TEX44: variants seen among roughly 807,000 people sequenced by gnomAD.
The protein encoded by TEX44 is testis expressed 44.
For synonymous variants in TEX44, 196 were observed against 205.9 expected (o/e 0.95, Z 0.41); for missense variants, 487 against 509.6 (o/e 0.96, Z 0.43).
rs139496513 is a variant in TEX44 at position 231,594,105 on chromosome 2, C to T, written c.1154C>T (p.Pro385Leu). ...AMRYLTSHLT[P>L]RQAQADPNYD ...CGCTACCTGACCAGCCACCTCACCC[C>T]ACGCCAGGCCCAGGCTGACCCCAAC... The change falls in exon 1 of 1, where the codon CCA becomes CTA. Residue 385 changes from proline (P) to leucine (L), a missense_variant. By Grantham distance (98) the Pro-to-Leu change is moderately conservative. Transcript: ENST00000313965. The T allele has an allele frequency of 6.5e-5, 105 of 1,613,452 alleles. No homozygotes were observed. The African/African-American group carries it at 1.2e-3, about 18-fold the overall frequency.
Position 231,593,870 on chromosome 2 carries a change from A to G in TEX44, c.919A>G (p.Thr307Ala). 2 of 1,610,456 alleles carry G rather than the reference A, an allele frequency of 1.2e-6. No homozygotes were observed. The highest frequency in any genetic ancestry group is 1.7e-6 in the Non-Finnish European group (2 of 1,180,012). The change falls in exon 1 of 1, where the codon ACA becomes GCA. Residue 307 changes from threonine (T) to alanine (A), a missense_variant. Physicochemically the swap from Thr to Ala is moderately conservative, Grantham distance 58. Coordinates refer to ENST00000313965, the MANE Select transcript of TEX44 (RefSeq NM_152614.3). ...SETTMGMAIA[T>A]GFLDSGHSTV... ...GACCACCATGGGCATGGCCATAGCCACAGGCTTCCTGGATTCCGGCCACAG... is the reference window on the plus strand; with the variant it reads ...GACCACCATGGGCATGGCCATAGCCGCAGGCTTCCTGGATTCCGGCCACAG...
In TEX44 at chr2:231,593,746, G is replaced by C. The variant is rs138430069; in HGVS notation, c.795G>C (p.Thr265=). The C allele has an allele frequency of 1.1e-5, 17 of 1,611,228 alleles. No individual in the cohort carries two copies. In the South Asian group the frequency reaches 1.9e-4, roughly 18 times the overall value. ...GRRPLDSSLY[T]ASEENSYMRS... ...GGCCCCTGGACTCCAGCCTGTACAC[G>C]GCCAGTGAGGAGAACAGCTACATGC... Residue 265 remains threonine (T), a synonymous_variant, in exon 1 of 1, where the codon ACG becomes ACC. Coordinates refer to ENST00000313965, the MANE Select transcript of TEX44 (RefSeq NM_152614.3).
At position 231,593,728 on chromosome 2, in the gene TEX44, G is replaced by T; in HGVS notation, c.777G>T (p.Leu259=). The T allele has an allele frequency of 6.2e-7, 1 of 1,610,954 alleles. No individual in the cohort carries two copies. Residue 259 remains leucine (L), a synonymous_variant, in exon 1 of 1, where the codon CTG becomes CTT. Transcript: ENST00000313965. ...AGGTGGCCCTGGGGAGAAGGCCCCT[G>T]GACTCCAGCCTGTACACGGCCAGTG... The part of the protein sequence containing the change: ...PHEVALGRRP[L]DSSLYTASEE...
At position 231,593,462 on chromosome 2, in the gene TEX44, G is replaced by C. The variant is rs770561870; in HGVS notation, c.511G>C (p.Ala171Pro). 1 of 1,614,206 alleles carries C rather than the reference G, an allele frequency of 6.2e-7. No homozygotes were observed. Among genetic ancestry groups the C allele is most frequent in the South Asian group, 1.1e-5 (1 of 91,090 alleles). The stretch of plus-strand genomic sequence containing the variant: ...GGAGGCTCAGCCCGTCGAGAGTGAT[G>C]CTGACCATGTCACAGCAGGTGCCAA... ...HMEAQPVESD[A>P]DHVTAGANGQ... The change falls in exon 1 of 1, where the codon GCT becomes CCT. Residue 171 changes from alanine to proline, a missense_variant. By Grantham distance (27) the Ala-to-Pro change is conservative. Transcript: ENST00000313965.
chr2:231,593,084 G>A lies in TEX44; in HGVS notation c.133G>A (p.Asp45Asn). ...AGTGAGCAGCTCTGTCGCATCCACT[G>A]ACTGGCAGGATATAGATCAGGCCTC... ...LAVSSSVAST[D>N]WQDIDQASFK... The change falls in exon 1 of 1, where the codon GAC becomes AAC. Residue 45 changes from aspartate (D) to asparagine (N), a missense_variant. Coordinates refer to ENST00000313965, the MANE Select transcript of TEX44 (RefSeq NM_152614.3). 1 of 1,614,142 alleles carries A rather than the reference G, an allele frequency of 6.2e-7. No individual in the cohort carries two copies. The highest frequency in any genetic ancestry group is 1.6e-4 in the Middle Eastern group (1 of 6,062).
Position 231,592,888 on chromosome 2 carries a change from C to T in TEX44, c.-64C>T. ...CACTCCCTCCAACCGCCACAAGCAGCAAAGGGCATAGATGACCACAGGAGA... is the reference window on the plus strand; with the variant it reads ...CACTCCCTCCAACCGCCACAAGCAGTAAAGGGCATAGATGACCACAGGAGA... On this transcript the variant is annotated 5_prime_UTR_variant, in exon 1 of 1. Coordinates refer to ENST00000313965, the MANE Select transcript of TEX44 (RefSeq NM_152614.3). 7.3e-7 allele frequency: 1 copy of T among 1,366,474 alleles called. No homozygotes were observed. Among genetic ancestry groups the T allele is most frequent in the South Asian group, 1.2e-5 (1 of 82,802 alleles). 84.6% of individuals were successfully genotyped at this position (1,366,474 alleles called of 1,614,324 possible).
Position 231,592,958 on chromosome 2 carries a change from C to T in TEX44, c.7C>T (p.Leu3Phe). The T allele has an allele frequency of 3.1e-6, 5 of 1,613,452 alleles. No individual in the cohort carries two copies. The highest frequency in any genetic ancestry group is 4.2e-6 in the Non-Finnish European group (5 of 1,179,628). MA[L>F]PGYPLGNVDD... ...TCCACCAGCAGCCCCATACATGGCA[C>T]TCCCAGGGTACCCCCTGGGCAACGT... Residue 3 changes from leucine (L) to phenylalanine (F), a missense_variant, in exon 1 of 1, where the codon CTC becomes TTC. By Grantham distance (22) the Leu-to-Phe change is conservative (BLOSUM62 0). Coordinates refer to ENST00000313965, the MANE Select transcript of TEX44 (RefSeq NM_152614.3).
Position 231,593,496 on chromosome 2 carries a change from A to G in TEX44, c.545A>G (p.His182Arg), listed in dbSNP as rs774889760. 1.2e-6 allele frequency: 2 copies of G among 1,614,162 alleles called. No homozygotes were observed. The highest frequency in any genetic ancestry group is 1.7e-6 in the Non-Finnish European group (2 of 1,180,044). The change falls in exon 1 of 1, where the codon CAT becomes CGT. Residue 182 changes from histidine (H) to arginine (R), a missense_variant. By Grantham distance (29) the His-to-Arg change is conservative (BLOSUM62 0). Transcript: ENST00000313965. Reference sequence around the variant, plus strand: ...GTCACAGCAGGTGCCAATGGCCAGCATGGCCCTCAGGCTGCCAGCACCACC... The same window carrying G: ...GTCACAGCAGGTGCCAATGGCCAGCGTGGCCCTCAGGCTGCCAGCACCACC... ...DHVTAGANGQHGPQAASTTKS... is the reference protein window; with the variant it reads ...DHVTAGANGQRGPQAASTTKS...
Position 231,593,737 on chromosome 2 carries a change from C to G in TEX44, c.786C>G (p.Ser262Arg). ...VALGRRPLDS[S>R]LYTASEENSY... ...TGGGGAGAAGGCCCCTGGACTCCAGCCTGTACACGGCCAGTGAGGAGAACA... is the reference window on the plus strand; with the variant it reads ...TGGGGAGAAGGCCCCTGGACTCCAGGCTGTACACGGCCAGTGAGGAGAACA... Residue 262 changes from serine to arginine, a missense_variant, in exon 1 of 1, where the codon AGC becomes AGG. Transcript: ENST00000313965. 1 of 1,611,086 alleles carries G rather than the reference C, an allele frequency of 6.2e-7. No individual in the cohort carries two copies. The highest frequency in any genetic ancestry group is 8.5e-7 in the Non-Finnish European group (1 of 1,179,918).
chr2:231,593,087 T>C lies in TEX44; in HGVS notation c.136T>C (p.Trp46Arg). The change falls in exon 1 of 1, where the codon TGG (tryptophan) becomes CGG (arginine). Residue 46 changes from tryptophan (W) to arginine (R), a missense_variant. Transcript: ENST00000313965. ...AVSSSVASTD[W>R]QDIDQASFKT... Reference sequence around the variant, plus strand: ...GAGCAGCTCTGTCGCATCCACTGACTGGCAGGATATAGATCAGGCCTCCTT... The same window carrying C: ...GAGCAGCTCTGTCGCATCCACTGACCGGCAGGATATAGATCAGGCCTCCTT... 6 of 1,614,142 alleles carry C rather than the reference T, an allele frequency of 3.7e-6. No homozygotes were observed. Among genetic ancestry groups the C allele is most frequent in the Non-Finnish European group, 5.1e-6 (6 of 1,180,028 alleles).
Position 231,594,149 on chromosome 2 carries a change from C to T in TEX44, c.*10C>T, listed in dbSNP as rs373418104. On this transcript the variant is annotated 3_prime_UTR_variant, in exon 1 of 1. Coordinates refer to ENST00000313965, the MANE Select transcript of TEX44 (RefSeq NM_152614.3). ...CCCCAACTATGATTAGAGCCCTGCA[C>T]AGGGACCCCCGAAGGGCTGGTTCAG... is the stretch of plus-strand genomic sequence containing the variant. 3.5e-5 allele frequency: 57 copies of T among 1,608,488 alleles called. No homozygotes were observed. The highest frequency in any genetic ancestry group is 9.3e-5 in the African/African-American group (7 of 74,974).
chr2:231,593,505 A>G lies in TEX44; in HGVS notation c.554A>G (p.Gln185Arg). The G allele has an allele frequency of 6.2e-7, 1 of 1,614,120 alleles. No individual in the cohort carries two copies. Among genetic ancestry groups the G allele is most frequent in the Non-Finnish European group, 8.5e-7 (1 of 1,180,042 alleles). The change falls in exon 1 of 1, where the codon CAG becomes CGG. Residue 185 changes from glutamine (Q) to arginine (R), a missense_variant. Coordinates refer to ENST00000313965, the MANE Select transcript of TEX44 (RefSeq NM_152614.3). The part of the protein sequence containing the change: ...TAGANGQHGP[Q>R]AASTTKSAEE... ...GGTGCCAATGGCCAGCATGGCCCTCAGGCTGCCAGCACCACCAAGTCTGCT... is the reference window on the plus strand; with the variant it reads ...GGTGCCAATGGCCAGCATGGCCCTCGGGCTGCCAGCACCACCAAGTCTGCT...
In TEX44 at chr2:231,593,368, T is replaced by A; in HGVS notation, c.417T>A (p.Ser139Arg). The A allele has an allele frequency of 6.2e-7, 1 of 1,613,980 alleles. No individual in the cohort carries two copies. Among genetic ancestry groups the A allele is most frequent in the South Asian group, 1.1e-5 (1 of 91,072 alleles). Reference protein sequence around the residue: ...LGKDKMSQMASVPEREPESAP... With the variant: ...LGKDKMSQMARVPEREPESAP... ...AAGACAAGATGTCACAAATGGCGAGTGTTCCTGAGAGAGAGCCGGAGTCAG... is the reference window on the plus strand; with the variant it reads ...AAGACAAGATGTCACAAATGGCGAGAGTTCCTGAGAGAGAGCCGGAGTCAG... The change falls in exon 1 of 1, where the codon AGT (serine) becomes AGA (arginine). Residue 139 changes from serine to arginine, a missense_variant. Ser to Arg is a moderately radical substitution (Grantham distance 110). Transcript: ENST00000313965.
chr2:231,593,642 C>A lies in TEX44; in HGVS notation c.691C>A (p.Gln231Lys). The A allele has an allele frequency of 6.2e-7, 1 of 1,613,748 alleles. No individual in the cohort carries two copies. The highest frequency in any genetic ancestry group is 1.1e-5 in the South Asian group (1 of 91,086). ...ANVVDSLGDL[Q>K]TWFFPPPPAG... ...TGTGGTGGACAGCTTAGGAGACCTG[C>A]AGACTTGGTTCTTCCCTCCACCTCC... The change falls in exon 1 of 1, where the codon CAG becomes AAG. Residue 231 changes from glutamine to lysine, a missense_variant. Coordinates refer to ENST00000313965, the MANE Select transcript of TEX44 (RefSeq NM_152614.3).
Position 231,593,627 on chromosome 2 carries a change from A to G in TEX44, c.676A>G (p.Ser226Gly). The G allele has an allele frequency of 6.2e-7, 1 of 1,613,826 alleles. No individual in the cohort carries two copies. The highest frequency in any genetic ancestry group is 8.5e-7 in the Non-Finnish European group (1 of 1,180,022). The stretch of plus-strand genomic sequence containing the variant: ...GGCAATGGGGGCAAATGTGGTGGAC[A>G]GCTTAGGAGACCTGCAGACTTGGTT... ...PVAMGANVVD[S>G]LGDLQTWFFP... The change falls in exon 1 of 1, where the codon AGC (serine) becomes GGC (glycine). Residue 226 changes from serine (S) to glycine (G), a missense_variant. Transcript: ENST00000313965.
chr2:231,593,734 C>A lies in TEX44; in HGVS notation c.783C>A (p.Ser261=). ...EVALGRRPLD[S]SLYTASEENS... is the part of the protein sequence containing the mutation. ...CCCTGGGGAGAAGGCCCCTGGACTC[C>A]AGCCTGTACACGGCCAGTGAGGAGA... The change falls in exon 1 of 1, where the codon TCC becomes TCA. Residue 261 remains serine (S), a synonymous_variant. Coordinates refer to ENST00000313965, the MANE Select transcript of TEX44 (RefSeq NM_152614.3). The A allele has an allele frequency of 6.2e-7, 1 of 1,611,152 alleles. No homozygotes were observed. The highest frequency in any genetic ancestry group is 8.5e-7 in the Non-Finnish European group (1 of 1,179,902).
chr2:231,594,086 C>A lies in TEX44; in HGVS notation c.1135C>A (p.Leu379Met), dbSNP rs780691714. ...GGGCATCCGCTCAGCCATGCGCTAC[C>A]TGACCAGCCACCTCACCCCACGCCA... Reference protein sequence around the residue: ...VEGIRSAMRYLTSHLTPRQAQ... With the variant: ...VEGIRSAMRYMTSHLTPRQAQ... The change falls in exon 1 of 1, where the codon CTG becomes ATG. Residue 379 changes from leucine to methionine, a missense_variant. Coordinates refer to ENST00000313965, the MANE Select transcript of TEX44 (RefSeq NM_152614.3). 3 of 1,613,450 alleles carry A rather than the reference C, an allele frequency of 1.9e-6. No homozygotes were observed. The highest frequency in any genetic ancestry group is 2.5e-6 in the Non-Finnish European group (3 of 1,180,004).
Position 231,593,533 on chromosome 2 carries a change from G to A in TEX44, c.582G>A (p.Glu194=). Residue 194 remains glutamate (E), a synonymous_variant, in exon 1 of 1, where the codon GAG becomes GAA. Coordinates refer to ENST00000313965, the MANE Select transcript of TEX44 (RefSeq NM_152614.3). The stretch of plus-strand genomic sequence containing the variant: ...CTGCCAGCACCACCAAGTCTGCTGA[G>A]GAGAAAGCTGAGCATCCAAAGGCCC... The part of the protein sequence containing the change: ...PQAASTTKSA[E]EKAEHPKAPH... 5.6e-6 allele frequency: 9 copies of A among 1,614,096 alleles called. No homozygotes were observed. The highest frequency in any genetic ancestry group is 1.1e-5 in the South Asian group (1 of 91,088).
chr2:231,594,163 G>A lies in TEX44; in HGVS notation c.*24G>A, dbSNP rs1277715144. The stretch of plus-strand genomic sequence containing the variant: ...AGAGCCCTGCACAGGGACCCCCGAA[G>A]GGCTGGTTCAGTGGCCTCCAGAGAT... On this transcript the variant is annotated 3_prime_UTR_variant, in exon 1 of 1. Coordinates refer to ENST00000313965, the MANE Select transcript of TEX44 (RefSeq NM_152614.3). The A allele has an allele frequency of 6.3e-7, 1 of 1,598,572 alleles. No homozygotes were observed. Among genetic ancestry groups the A allele is most frequent in the Admixed American group, 1.7e-5 (1 of 59,228 alleles).
Sources: allele counts gnomAD v4.1 joint callset, GRCh38; gene constraint gnomAD v4.1.1; transcripts MANE v1.5; gene names NCBI Gene and HGNC (gene_info 2026-07-23, HGNC 2026-07-21).